Variants in DLC1 observed in about 807,000 individuals in gnomAD.
DLC1 encodes the protein rho GTPase-activating protein 7.
A neutral mutation model predicts 140.3 loss-of-function variants in DLC1; 54 were observed. The observed-to-expected ratio is 0.38, with a 90% CI of 0.31 to 0.48. The LOEUF (loss-of-function observed/expected upper bound fraction) is 0.48, where lower values mean the gene tolerates loss of function less well. Ranked by LOEUF, DLC1 falls within the 20% of genes least tolerant of loss-of-function variation. DLC1 has a pLI of 0.96. For synonymous variants in DLC1, 986 were observed against 728.1 expected, an observed-to-expected ratio of 1.35 and a Z score of -5.70; for missense variants, 2,536 against 1,907.0, an observed-to-expected ratio of 1.33 and a Z score of -6.14.
intron 5 of DLC1, among the ~76,000 whole-genome samples, chr8:13,135,020 C>G (rs934687189): frequency 1.6e-4 from 24 of 152,066 alleles, no homozygotes; most frequent in Admixed American, 1.2e-3. Flanking sequence ...GAGATCTGAT[C>G]TGGCCCAAGA....
At chr8:13,113,534 G>A (rs999019065) in intron 6 of DLC1, among the ~76,000 whole-genome samples, 1 of 152,212 alleles carries the variant, frequency 6.6e-6, no homozygotes, top group Admixed American at 6.5e-5. Flanking sequence ...TATATCACAA[G>A]AAAGTGCTAC....
intron 10 of DLC1, 93 bp from the exon 11 acceptor site, chr8:13,095,338 C>G: frequency 6.6e-7 from 1 of 1,511,464 alleles, no homozygotes; most frequent in Non-Finnish European, 9.1e-7. Flanking sequence ...CCTGTGGGCT[C>G]CAGATCTGTG....
chr8:13,232,184 C>T (rs1007427566), intron 5 of DLC1, among the ~76,000 whole-genome samples: 3 of 152,106 alleles, frequency 2.0e-5, no homozygotes, highest in Non-Finnish European at 4.4e-5. Context: ...AGGCTTGAAG[C>T]ATGGGGGAAT....
chr8:13,170,532 C>T (rs774083137), intron 5 of DLC1, among the ~76,000 whole-genome samples: 2 of 152,006 alleles, frequency 1.3e-5, no homozygotes, highest in African/African-American at 2.4e-5. Flanking sequence ...AAATCGAGAC[C>T]ATCCTGGCCA....
At chr8:13,100,862 A>G in intron 8 of DLC1, 92 bp from the exon 9 acceptor site, 1 of 1,248,088 alleles carries the variant, frequency 8.0e-7, no homozygotes, top group Non-Finnish European at 1.1e-6. Flanking sequence ...ATATGCCAGT[A>G]GTATCAATTT....
chr8:13,229,895 A>C (rs1286367992), intron 5 of DLC1, among the ~76,000 whole-genome samples: 1 of 152,252 alleles, frequency 6.6e-6, no homozygotes, highest in African/African-American at 2.4e-5. Context: ...ATTTGTAAAA[A>C]TAAATTTAGT....
At chr8:13,125,457 T>C (rs562905955) in intron 5 of DLC1, among the ~76,000 whole-genome samples, 4 of 152,358 alleles carry the variant, frequency 2.6e-5, no homozygotes, top group South Asian at 2.1e-4. Flanking sequence ...ACTTTCCTTA[T>C]TGATCTTTCA....
chr8:13,239,461 T>C (rs1829449389), intron 5 of DLC1, among the ~76,000 whole-genome samples: 1 of 152,114 alleles, frequency 6.6e-6, no homozygotes, highest in Non-Finnish European at 1.5e-5. Context: ...CCTCATTCCA[T>C]CCTTTAGACT....
At chr8:13,466,612 A>G (rs67884451) in intron 2 of DLC1, among the ~76,000 whole-genome samples, 86,455 of 151,918 alleles carry the variant, frequency 0.57, 24,807 homozygotes, top group East Asian at 0.61. Context: ...CCTTGTAAAC[A>G]TCCACAACCA....
intron 1 of DLC1, among the ~76,000 whole-genome samples, chr8:13,535,022 C>T (rs957270221): frequency 2.0e-5 from 3 of 152,112 alleles, no homozygotes; most frequent in African/African-American, 7.2e-5. Flanking sequence ...AATTTTTCAG[C>T]ACATATTTGT....
intron 2 of DLC1, among the ~76,000 whole-genome samples, chr8:13,420,886 C>G (rs1044088168): frequency 2.0e-5 from 3 of 152,102 alleles, no homozygotes; most frequent in African/African-American, 7.2e-5. Flanking sequence ...TGACTAGTTT[C>G]TATGCAGTAA....
chr8:13,452,997 G>A (rs1321339374), intron 2 of DLC1, among the ~76,000 whole-genome samples: 2 of 151,880 alleles, frequency 1.3e-5, no homozygotes, highest in African/African-American at 2.4e-5. Flanking sequence ...TAATCTTTCA[G>A]AATGAGTTCA....
intron 2 of DLC1, among the ~76,000 whole-genome samples, chr8:13,424,579 T>G (rs1348282853): frequency 2.6e-5 from 4 of 152,148 alleles, no homozygotes; most frequent in African/African-American, 9.7e-5. Context: ...TTTGTAATTT[T>G]TTTTTCTTTC....
At chr8:13,596,446 C>A (rs1805683061) in intron 1 of DLC1, among the ~76,000 whole-genome samples, 1 of 151,858 alleles carries the variant, frequency 6.6e-6, no homozygotes, top group African/African-American at 2.4e-5. Context: ...CTTTTCCAAT[C>A]CTGTTTGTGA....
intron 5 of DLC1, among the ~76,000 whole-genome samples, chr8:13,126,067 C>T (rs1473377029): frequency 1.3e-5 from 2 of 152,010 alleles, no homozygotes; most frequent in Admixed American, 6.6e-5. Context: ...AAGCAGCTCA[C>T]ATCAAAATAT....
intron 1 of DLC1, among the ~76,000 whole-genome samples, chr8:13,502,773 G>T (rs1184399976): frequency 6.6e-6 from 1 of 152,184 alleles, no homozygotes; most frequent in Non-Finnish European, 1.5e-5. Context: ...CATTTCTTTT[G>T]TAATCCTATT....
At chr8:13,114,219 G>C (rs112105850) in intron 6 of DLC1, among the ~76,000 whole-genome samples, 1,575 of 152,214 alleles carry the variant, frequency 0.01, 32 homozygotes, top group African/African-American at 0.036. Context: ...AAAATTGGCC[G>C]GGCATGGTGG....
At chr8:13,221,369 CTT>C (rs113799968) in intron 5 of DLC1, among the ~76,000 whole-genome samples, 30 of 141,326 alleles carry the variant, frequency 2.1e-4, no homozygotes, top group Admixed American at 3.6e-4. Context: ...GTTTTCTTTT[CTT>C]TTTTTTTTTT....
chr8:13,580,868 G>A (rs1719947715), intron 1 of DLC1, among the ~76,000 whole-genome samples: 1 of 152,192 alleles, frequency 6.6e-6, no homozygotes, highest in Non-Finnish European at 1.5e-5. Context: ...AAAATGGCAA[G>A]AGAATGGATT....
Sources: gnomAD v4.1 joint callset for allele counts (sites outside exome capture counted in the v4.1 genomes callset) on GRCh38, gnomAD v4.1.1 for gene constraint, MANE v1.5 for transcripts, NCBI Gene and HGNC (gene_info 2026-07-23, HGNC 2026-07-21) for gene names.